OR2AT4: variants seen among roughly 807,000 people sequenced by gnomAD.
OR2AT4 encodes olfactory receptor family 2 subfamily AT member 4, also known as olfactory receptor 2AT4.
OR2AT4 carries 6 observed loss-of-function variants against 10.3 expected under a neutral mutation model. The observed-to-expected ratio is 0.58, with a 90% confidence interval of 0.32 to 1.15. The LOEUF is 1.15. OR2AT4 is among the 50% of genes most tolerant of loss of function. The pLI, the probability that OR2AT4 is intolerant of heterozygous loss-of-function variation, is 0.05. For synonymous variants in OR2AT4, 145 were observed against 159.1 expected, an observed-to-expected ratio of 0.91 and a Z score of 0.67; for missense variants, 354 against 393.8, an observed-to-expected ratio of 0.90 and a Z score of 0.85.
At chr11:75,089,752 G>A (rs753167707) in exon 2 of OR2AT4, 53 of 1,575,622 alleles carry the variant, frequency 3.4e-5, no homozygotes, top group Non-Finnish European at 4.5e-5. Flanking sequence ...TGGGCAGCTG[G>A]AACATCTAGA....
At chr11:75,085,095 C>G (rs191561388) in exon 2 of OR2AT4, 2 of 152,086 alleles carry the variant, frequency 1.3e-5, no homozygotes, top group East Asian at 3.9e-4. Context: ...AATGCTGATT[C>G]TTTGAAAAAT....
At chr11:75,091,384 A>G (rs940317931) in intron 1 of OR2AT4, among the ~76,000 whole-genome samples, 8 of 152,260 alleles carry the variant, frequency 5.3e-5, no homozygotes, top group Non-Finnish European at 1.5e-5. Context: ...TAGTATAACT[A>G]TGTTTATATA....
At chr11:75,085,420 T>A (rs1949285144) in exon 2 of OR2AT4, 1 of 152,146 alleles carries the variant, frequency 6.6e-6, no homozygotes, top group South Asian at 2.1e-4. Context: ...AGGCAAATTC[T>A]ACCAAATATT....
intron 1 of OR2AT4, among the ~76,000 whole-genome samples, chr11:75,094,671 C>T (rs1468505350): frequency 6.6e-6 from 1 of 152,076 alleles, no homozygotes; most frequent in Non-Finnish European, 1.5e-5. Context: ...TCACTTGAGC[C>T]CAGGAGTTCA....
chr11:75,087,989 T>A (rs1423111035), exon 2 of OR2AT4: 5 of 152,244 alleles, frequency 3.3e-5, no homozygotes, highest in Non-Finnish European at 5.9e-5. Context: ...AACACTTTTC[T>A]GCAGCTTGCT....
intron 1 of OR2AT4, among the ~76,000 whole-genome samples, chr11:75,094,102 C>T (rs760381204): frequency 4.6e-5 from 7 of 152,098 alleles, no homozygotes; most frequent in Admixed American, 1.3e-4. Context: ...GGATTACAGG[C>T]GTGAACCACC....
intron 1 of OR2AT4, 50 bp downstream of exon 1, chr11:75,096,778 C>T (rs1008625778): frequency 6.6e-6 from 1 of 152,548 alleles, no homozygotes; most frequent in African/African-American, 2.4e-5. Flanking sequence ...ATCTCCCCAT[C>T]CCAGTCTCTG....
exon 2 of OR2AT4, chr11:75,082,774 C>A (rs1012414380): frequency 1.3e-5 from 2 of 152,102 alleles, no homozygotes; most frequent in African/African-American, 4.8e-5. Context: ...AGACAACCTA[C>A]AGAATGGGAG....
intron 1 of OR2AT4, among the ~76,000 whole-genome samples, chr11:75,092,442 T>A (rs1224249467): frequency 6.6e-6 from 1 of 152,228 alleles, no homozygotes; most frequent in Non-Finnish European, 1.5e-5. Flanking sequence ...ATATTTGGGA[T>A]AGATAATATA....
At chr11:75,093,791 TTTTTTTC>T in intron 1 of OR2AT4, among the ~76,000 whole-genome samples, 1 of 128,620 alleles carries the variant, frequency 7.8e-6, no homozygotes, top group East Asian at 2.4e-4. Context: ...TCTCTTTTCT[TTTTTTTC>T]TTTTTCTTTT....
chr11:75,090,180 T>C (rs1949314754), exon 2 of OR2AT4: 1 of 162,334 alleles, frequency 6.2e-6, no homozygotes, highest in Non-Finnish European at 1.4e-5. Flanking sequence ...ATAAATCAAG[T>C]CCTTAAGCTC....
chr11:75,087,101 G>A (rs1949294984), exon 2 of OR2AT4: 1 of 152,172 alleles, frequency 6.6e-6, no homozygotes, highest in Non-Finnish European at 1.5e-5. Flanking sequence ...AAAATGCAAT[G>A]TGGCATTCTG....
chr11:75,089,611 TAAAA>T lies in OR2AT4; in HGVS notation c.99_102del (p.Phe33LeufsTer11), dbSNP rs760270794. ...ATGAGAAGGTAGAAGAGGAGGAAAA[TAAAA>T]AACACAGGGAGGAAGAAGGTCTCTG... On this transcript the variant is annotated frameshift_variant, in exon 2 of 2. Coordinates refer to ENST00000641504, the Ensembl canonical transcript of OR2AT4. LOFTEE classifies it high-confidence loss of function. 7 of 1,612,768 alleles carry T rather than the reference TAAAA, an allele frequency of 4.3e-6. No individual in the cohort carries two copies. The South Asian group carries it at 7.7e-5, about 18-fold the overall frequency.
At chr11:75,093,347 C>T (rs1272403966) in intron 1 of OR2AT4, among the ~76,000 whole-genome samples, 1 of 152,164 alleles carries the variant, frequency 6.6e-6, no homozygotes, top group Non-Finnish European at 1.5e-5. Context: ...CTTCCCTAGC[C>T]CCAGATAAGA....
rs765711292 is a variant in OR2AT4 at position 75,089,737 on chromosome 11, A to G, written c.-24T>C. ...ATTGTGAGACACAGCTGGATTTCTC[A>G]GAGATGGGCAGCTGGAACATCTAGA... On this transcript the variant is annotated 5_prime_UTR_variant, in exon 2 of 2. An upstream open reading frame in the 5' UTR loses its in-frame stop. Coordinates refer to ENST00000641504, the Ensembl canonical transcript of OR2AT4. 2.5e-6 allele frequency: 4 copies of G among 1,587,644 alleles called. No individual in the cohort carries two copies. The East Asian group carries it at 8.9e-5, about 36-fold the overall frequency.
exon 2 of OR2AT4, chr11:75,089,582 C>G: frequency 6.2e-7 from 1 of 1,614,034 alleles, no homozygotes; most frequent in Middle Eastern, 1.6e-4. Flanking sequence ...CATTACCCAT[C>G]AGGATGAGAA....
At chr11:75,088,671 A>T (rs1165025966) in exon 2 of OR2AT4, 2 of 1,215,562 alleles carry the variant, frequency 1.6e-6, no homozygotes, top group Non-Finnish European at 2.2e-6. Flanking sequence ...ACATTATTTC[A>T]TTATCATGTA....
At chr11:75,093,299 G>GTT (rs1201107147) in intron 1 of OR2AT4, among the ~76,000 whole-genome samples, 1 of 152,206 alleles carries the variant, frequency 6.6e-6, no homozygotes, top group African/African-American at 2.4e-5. Context: ...TTCAGCAGGT[G>GTT]TTTCTGATTA....
chr11:75,082,499 A>G lies in OR2AT4; in HGVS notation c.*6252T>C, dbSNP rs1045710136. Reference sequence around the variant, plus strand: ...ATAGTGCTAGGATAGCTGGCTAGCCATATGCAGAAGAATGAAACTGCACCC... The same window carrying G: ...ATAGTGCTAGGATAGCTGGCTAGCCGTATGCAGAAGAATGAAACTGCACCC... On this transcript the variant is annotated 3_prime_UTR_variant, in exon 2 of 2. Coordinates refer to ENST00000641504, the Ensembl canonical transcript of OR2AT4. 63 of 152,182 alleles carry G rather than the reference A, an allele frequency of 4.1e-4. 1 individual carries two copies. Among genetic ancestry groups the G allele is most frequent in the Non-Finnish European group, 8.7e-4 (59 of 68,038 alleles). The allele number at this position is 152,182 out of a possible 1,614,324, so 9.4% of individuals were successfully genotyped here. A position where few individuals can be genotyped will look rare whatever the true frequency, so the allele number is the denominator to read the frequency against.
Sources: gnomAD v4.1 joint callset for allele counts (sites outside exome capture counted in the v4.1 genomes callset) on GRCh38, gnomAD v4.1.1 for gene constraint, MANE v1.5 for transcripts, NCBI Gene and HGNC (gene_info 2026-07-23, HGNC 2026-07-21) for gene names.